ERCC6: variants seen among roughly 807,000 people sequenced by gnomAD.
ERCC6 encodes the protein ERCC excision repair 6, chromatin remodeling factor.
In ERCC6, 116 loss-of-function variants were observed where a neutral mutation model predicts 158.7. The observed-to-expected ratio is 0.73, with a 90% CI of 0.63 to 0.85. The LOEUF is 0.85. Among genes scored for constraint, ERCC6 ranks in the 40% least tolerant of loss-of-function variants. ERCC6 has a pLI of 0.00. For synonymous variants in ERCC6, 678 were observed against 659.3 expected (o/e 1.03, Z -0.43); for missense variants, 1,698 against 1,799.4 (o/e 0.94, Z 1.02).
the ERCC6 span, among the ~76,000 whole-genome samples, chr10:49,443,806 C>T: frequency 1.3e-5 from 2 of 152,314 alleles, no homozygotes; most frequent in Non-Finnish European, 2.9e-5. Context: ...GCCATATAGC[C>T]TAGGTGTGTA....
At chr10:49,445,808 G>A in the ERCC6 span, among the ~76,000 whole-genome samples, 1 of 152,126 alleles carries the variant, frequency 6.6e-6, no homozygotes, top group South Asian at 2.1e-4. Context: ...ACAGAAGTTT[G>A]GATTTAACAC....
chr10:49,435,999 CAAAA>C, the ERCC6 span, among the ~76,000 whole-genome samples: 2 of 83,758 alleles, frequency 2.4e-5, no homozygotes, highest in Non-Finnish European at 2.4e-5. Context: ...CAGACTGTCT[CAAAA>C]AAAAGAAAGA....
intron 10 of ERCC6, among the ~76,000 whole-genome samples, chr10:49,481,275 T>C (rs4253174): frequency 1.7e-4 from 26 of 152,312 alleles, no homozygotes; most frequent in Middle Eastern, 3.4e-3. Flanking sequence ...TTTTCTTGTT[T>C]GTTTGTTCTT....
At chr10:49,522,075 G>A (rs1026274064) in intron 5 of ERCC6, among the ~76,000 whole-genome samples, 1 of 152,060 alleles carries the variant, frequency 6.6e-6, no homozygotes, top group Admixed American at 6.6e-5. Flanking sequence ...CCTACCCTGG[G>A]AACTACTCCT....
intron 10 of ERCC6, among the ~76,000 whole-genome samples, chr10:49,481,706 C>T (rs1030556093): frequency 2.0e-5 from 3 of 152,224 alleles, no homozygotes; most frequent in Non-Finnish European, 4.4e-5. Flanking sequence ...ATCAGGCACC[C>T]GGGCCTGAAA....
chr10:49,508,936 C>A (rs752371354), intron 5 of ERCC6, among the ~76,000 whole-genome samples: 1 of 152,108 alleles, frequency 6.6e-6, no homozygotes, highest in African/African-American at 2.4e-5. Flanking sequence ...GTCTAACCAG[C>A]CTGTACTGTA....
intron 8 of ERCC6, 131 bp from the exon 9 acceptor site, chr10:49,483,647 A>G: frequency 1.1e-6 from 1 of 906,036 alleles, no homozygotes; most frequent in East Asian, 2.6e-5. Flanking sequence ...AGACATTATC[A>G]GCACTGGAAG....
intron 11 of ERCC6, among the ~76,000 whole-genome samples, chr10:49,477,855 C>A (rs1018467312): frequency 1.3e-5 from 2 of 152,206 alleles, no homozygotes; most frequent in Admixed American, 6.5e-5. Flanking sequence ...CTGACCAACC[C>A]TTACAAATGG....
Position 49,476,314 on chromosome 10 carries a change from C to T in ERCC6, c.2287-4G>A, listed in dbSNP as rs375617750. 6.9e-5 allele frequency: 110 copies of T among 1,603,836 alleles called. No individual in the cohort carries two copies. Among genetic ancestry groups the T allele is most frequent in the Middle Eastern group, 5.0e-4 (3 of 6,056 alleles). ...CTGTAAGACGGCAAAATAAGACCTACGGACGGGAAAAACAAGGAAACTATA... is the reference window on the plus strand; with the variant it reads ...CTGTAAGACGGCAAAATAAGACCTATGGACGGGAAAAACAAGGAAACTATA... On this transcript the variant is annotated splice_region_variant and splice_polypyrimidine_tract_variant and intron_variant, in intron 11 of 20. Transcript: ENST00000355832.
downstream of ERCC6, among the ~76,000 whole-genome samples, chr10:49,452,326 C>T (rs1358224999): frequency 5.3e-5 from 8 of 151,920 alleles, no homozygotes; most frequent in Non-Finnish European, 1.5e-5. Context: ...TGATTACCTT[C>T]TTGTTTTCTT....
chr10:49,517,627 C>CTTT (rs147251562), intron 5 of ERCC6, among the ~76,000 whole-genome samples: 2 of 146,334 alleles, frequency 1.4e-5, no homozygotes, highest in East Asian at 3.9e-4. Context: ...AGTCTTCTTT[C>CTTT]TTTTTTTTTT....
chr10:49,437,994 G>A, the ERCC6 span, among the ~76,000 whole-genome samples: 1 of 152,110 alleles, frequency 6.6e-6, no homozygotes, highest in Non-Finnish European at 1.5e-5. Context: ...GTAAATGCTA[G>A]GCAAATAGTT....
intron 4 of ERCC6, chr10:49,525,011 T>C: frequency 1.0e-6 from 1 of 960,426 alleles, no homozygotes; most frequent in East Asian, 2.9e-5. Context: ...TTCCCCAAAA[T>C]ATTTCACTAT....
intron 7 of ERCC6, among the ~76,000 whole-genome samples, 157 bp downstream of exon 7, chr10:49,500,381 C>T (rs1242556000): frequency 2.0e-5 from 3 of 152,056 alleles, no homozygotes; most frequent in African/African-American, 7.2e-5. Flanking sequence ...TCCATTGTCT[C>T]GTAAAATTTT....
rs758479814 is a variant in ERCC6 at position 49,530,782 on chromosome 10, C to T, written c.481G>A (p.Ala161Thr). 1 of 1,613,750 alleles carries T rather than the reference C, an allele frequency of 6.2e-7. No individual in the cohort carries two copies. Among genetic ancestry groups the T allele is most frequent in the Non-Finnish European group, 8.5e-7 (1 of 1,179,888 alleles). The change falls in exon 3 of 21, where the codon GCT becomes ACT. Residue 161 changes from alanine (A) to threonine (T), a missense_variant. Physicochemically the swap from Ala to Thr is moderately conservative, Grantham distance 58 (BLOSUM62 0). Transcript: ENST00000355832. ...CTGTTGATGTCTCTGCTGGTGGCAG[C>T]TTGAGGGCTAAGCTGTTCAATAATT... ...NKIIEQLSPQAATSRDINRKL... is the reference protein window; with the variant it reads ...NKIIEQLSPQTATSRDINRKL...
intron 8 of ERCC6, among the ~76,000 whole-genome samples, chr10:49,485,703 A>G (rs924490540): frequency 1.3e-5 from 2 of 152,246 alleles, no homozygotes; most frequent in Non-Finnish European, 2.9e-5. Context: ...CTTTATGCTG[A>G]TTACTGAGTA....
rs1056548575 is a variant in ERCC6, at chr10:49,480,174, C to T, written c.2170-1704G>A. ...ATATTTGGGCTGCTGACATGCTCCC[C>T]ATCACCTTCCTCACCTTTCAGGCCC... On this transcript the variant is annotated intron_variant, in intron 10 of 20. Coordinates refer to ENST00000355832, the MANE Select transcript of ERCC6 (RefSeq NM_000124.4). Among the ~76,000 whole-genome samples the T allele has an allele frequency of 2.0e-5, 3 of 152,222 alleles. 1 individual carries two copies. The highest frequency in any genetic ancestry group is 3.9e-4 in the East Asian group (2 of 5,188).
chr10:49,461,617 T>A, intron 18 of ERCC6, 61 bp from the exon 19 acceptor site: 1 of 1,521,262 alleles, frequency 6.6e-7, no homozygotes, highest in South Asian at 1.2e-5. Flanking sequence ...GACACTTTTC[T>A]CCTCTGTATA....
chr10:49,526,206 T>C (rs750668898), intron 4 of ERCC6, among the ~76,000 whole-genome samples: 7 of 145,846 alleles, frequency 4.8e-5, no homozygotes, highest in Non-Finnish European at 9.0e-5. Flanking sequence ...TTTTCCAAAG[T>C]GTTACGTTCC....
Sources: allele counts gnomAD v4.1 joint callset (sites outside exome capture counted in the v4.1 genomes callset), GRCh38; gene constraint gnomAD v4.1.1; transcripts MANE v1.5; gene names NCBI Gene and HGNC (gene_info 2026-07-23, HGNC 2026-07-21).